TBXAS1: variants seen among roughly 807,000 people sequenced by gnomAD.
TBXAS1 encodes the protein thromboxane A synthase 1.
In TBXAS1, 48 loss-of-function variants were observed where a neutral mutation model predicts 60.7. The ratio of observed to expected loss-of-function variants is 0.79; its 90% CI spans 0.63 to 1.01. TBXAS1 has a LOEUF of 1.01. Among genes scored for constraint, TBXAS1 ranks in the 50% least tolerant of loss-of-function variants. TBXAS1 has a pLI of 0.00. For missense variants in TBXAS1, 685 were observed against 686.3 expected (o/e 1.00, Z 0.02); for synonymous variants, 287 against 269.7 (o/e 1.06, Z -0.63).
intron 2 of TBXAS1, 80 bp from the exon 3 acceptor site, chr7:139,875,505 C>T: frequency 8.3e-7 from 1 of 1,201,776 alleles, no homozygotes; most frequent in South Asian, 1.2e-5. Flanking sequence ...TCTTGCTGTT[C>T]CAAATTGTTT....
chr7:139,997,913 G>A (rs1346216847), intron 9 of TBXAS1, among the ~76,000 whole-genome samples: 2 of 152,160 alleles, frequency 1.3e-5, no homozygotes, highest in Non-Finnish European at 2.9e-5. Flanking sequence ...TTCACCAAAA[G>A]CCATAAACAA....
intron 1 of TBXAS1, among the ~76,000 whole-genome samples, chr7:139,831,298 A>G (rs1370307428): frequency 1.3e-5 from 2 of 152,140 alleles, no homozygotes; most frequent in Non-Finnish European, 2.9e-5. Flanking sequence ...TTTTGGGTCC[A>G]TCCCTTGATT....
upstream of TBXAS1, among the ~76,000 whole-genome samples, chr7:139,825,012 T>G (rs1250238872): frequency 6.6e-6 from 1 of 151,954 alleles, no homozygotes; most frequent in African/African-American, 2.4e-5. Flanking sequence ...GTATTTTTAG[T>G]AGAGACAGGG....
intron 1 of TBXAS1, among the ~76,000 whole-genome samples, chr7:139,836,879 C>T (rs1049391359): frequency 2.0e-5 from 3 of 152,128 alleles, no homozygotes; most frequent in Non-Finnish European, 4.4e-5. Context: ...AAACAGACAA[C>T]CCAGAGTGGG....
intron 9 of TBXAS1, among the ~76,000 whole-genome samples, chr7:139,994,785 G>T (rs985881575): frequency 3.9e-5 from 6 of 152,190 alleles, no homozygotes; most frequent in African/African-American, 1.4e-4. Flanking sequence ...GTAGCAAAGG[G>T]ATTTAACCCA....
At chr7:139,935,453 G>A (rs1807675682) in intron 4 of TBXAS1, among the ~76,000 whole-genome samples, 1 of 152,188 alleles carries the variant, frequency 6.6e-6, no homozygotes, top group Non-Finnish European at 1.5e-5. Context: ...TGAATCCACA[G>A]ATGCAGAACG....
At chr7:139,899,646 CG>C (rs1804419369) in intron 3 of TBXAS1, among the ~76,000 whole-genome samples, 1 of 152,122 alleles carries the variant, frequency 6.6e-6, no homozygotes, top group African/African-American at 2.4e-5. Context: ...ATTTCTTGCC[CG>C]GAAAGGAGTC....
At chr7:139,894,573 A>G (rs149861237) in intron 3 of TBXAS1, among the ~76,000 whole-genome samples, 1 of 152,296 alleles carries the variant, frequency 6.6e-6, no homozygotes, top group Non-Finnish European at 1.5e-5. Context: ...AGATATAGAG[A>G]CAGTGACCCA....
intron 3 of TBXAS1, among the ~76,000 whole-genome samples, chr7:139,876,498 G>C (rs1802244548): frequency 6.6e-6 from 1 of 152,086 alleles, no homozygotes; most frequent in Non-Finnish European, 1.5e-5. Context: ...CACTTTTGTA[G>C]GTGCATTAAA....
Position 139,962,110 on chromosome 7 carries a change from C to G in TBXAS1, c.1011C>G (p.Ile337Met). Residue 337 changes from isoleucine (I) to methionine (M), a missense_variant, in exon 9 of 13, where the codon ATC becomes ATG. Physicochemically the swap from Ile to Met is conservative, Grantham distance 10. Coordinates refer to ENST00000448866, the MANE Select transcript of TBXAS1 (RefSeq NM_001061.7). ...TVDEIVGQAFIFLIAGYEIIT... is the reference protein window; with the variant it reads ...TVDEIVGQAFMFLIAGYEIIT... The stretch of plus-strand genomic sequence containing the variant: ...ATGAGATTGTGGGCCAGGCCTTCAT[C>G]TTCCTCATCGCTGGCTATGAAATCA... 6.2e-7 allele frequency: 1 copy of G among 1,614,234 alleles called. No homozygotes were observed. Among genetic ancestry groups the G allele is most frequent in the Non-Finnish European group, 8.5e-7 (1 of 1,180,032 alleles).
chr7:139,936,282 CT>C lies in TBXAS1; in HGVS notation c.428del (p.Phe143SerfsTer6). ...WEEVRGALMS[A>X]FSPEKLNEMV... ...GAGGTCAGAGGTGCCCTGATGTCTG[CT>C]TTCAGTCCTGAAAAGCTGAACGAGG... On this transcript the variant is annotated frameshift_variant, in exon 5 of 13. Coordinates refer to ENST00000448866, the MANE Select transcript of TBXAS1 (RefSeq NM_001061.7). LOFTEE classifies it high-confidence loss of function. 6.2e-7 allele frequency: 1 copy of C among 1,614,218 alleles called. No individual in the cohort carries two copies. Among genetic ancestry groups the C allele is most frequent in the Non-Finnish European group, 8.5e-7 (1 of 1,180,026 alleles).
intron 4 of TBXAS1, among the ~76,000 whole-genome samples, chr7:139,820,589 TA>T (rs756076948): frequency 1.3e-5 from 2 of 152,150 alleles, no homozygotes; most frequent in Non-Finnish European, 2.9e-5. Context: ...ACAGTTACCC[TA>T]AATAGCATCA....
Position 139,951,907 on chromosome 7 carries a change from G to GAAAGAAAGAAAGAAAGAA in TBXAS1, c.451-1460_451-1459insAAGAAAGAAAGAAAGAAA, listed in dbSNP as rs1334417048. Among the ~76,000 whole-genome samples, 289 of 40,164 alleles carry GAAAGAAAGAAAGAAAGAA rather than the reference G, an allele frequency of 7.2e-3. 20 individuals carry two copies. Among genetic ancestry groups the GAAAGAAAGAAAGAAAGAA allele is most frequent in the Middle Eastern group, 0.028 (2 of 72 alleles). 26.3% of individuals were successfully genotyped at this position (40,164 alleles called of 152,430 possible). ...AGAAGGAAGGAAGGAAGGAAAGAAA[G>GAAAGAAAGAAAGAAAGAA]AGAAAGAAAGAGAGAAAGAAAGAGA... is the stretch of plus-strand genomic sequence containing the variant. On this transcript the variant is annotated intron_variant, in intron 5 of 12. Coordinates refer to ENST00000448866, the MANE Select transcript of TBXAS1 (RefSeq NM_001061.7).
At chr7:139,826,781 T>G (rs1380021752), upstream of TBXAS1, among the ~76,000 whole-genome samples, 4 of 152,172 alleles carry the variant, frequency 2.6e-5, no homozygotes, top group Non-Finnish European at 5.9e-5. Flanking sequence ...ATGATCATGA[T>G]CAATTGTTAT....
upstream of TBXAS1, among the ~76,000 whole-genome samples, chr7:139,824,829 C>CTTTTCTTTTTTTTTTTTTT (rs1401847052): frequency 7.7e-5 from 3 of 38,860 alleles, 1 homozygote; most frequent in African/African-American, 1.9e-4. Context: ...TTTTCCTTTT[C>CTTTTCTTTTTTTTTTTTTT]TTTTTTTTTT....
rs1374331236 is a variant in TBXAS1 at position 139,778,742 on chromosome 7, G to T, written c.-318+271G>T. Among the ~76,000 whole-genome samples, 1 of 152,122 alleles carries T rather than the reference G, an allele frequency of 6.6e-6. No individual in the cohort carries two copies. The highest frequency in any genetic ancestry group is 1.5e-5 in the Non-Finnish European group (1 of 68,022). ...GGAGCTCACAACTCTCTGGGTCCTC[G>T]CTTTTCTCAGCGCTCTCTCCTATCA... On this transcript the variant is annotated intron_variant, in intron 1 of 16. Transcript: ENST00000336425. The surrounding 1 kb of genome is among the most constrained non-coding windows in gnomAD (Gnocchi z 4.8).
rs1011642220 is a variant in TBXAS1 at position 139,915,046 on chromosome 7, T to C, written c.333+3725T>C. Among the ~76,000 whole-genome samples the C allele has an allele frequency of 5.9e-5, 9 of 152,328 alleles. No individual in the cohort carries two copies. The South Asian group carries it at 1.0e-3, about 18-fold the overall frequency. The stretch of plus-strand genomic sequence containing the variant: ...AACACGTAAAAAGACCCATCATAGA[T>C]AAGATCTCCAGGAAATCCCAGTGTT... On this transcript the variant is annotated intron_variant, in intron 4 of 12. Transcript: ENST00000448866.
intron 4 of TBXAS1, among the ~76,000 whole-genome samples, chr7:139,924,072 T>C (rs1431922637): frequency 1.3e-5 from 2 of 152,260 alleles, no homozygotes; most frequent in Admixed American, 6.5e-5. Context: ...GCTTCCAAAT[T>C]TGGCTCTTGT....
At chr7:139,806,238 C>CTACGT (rs1477865851) in intron 4 of TBXAS1, among the ~76,000 whole-genome samples, 2 of 100,288 alleles carry the variant, frequency 2.0e-5, no homozygotes, top group Non-Finnish European at 4.4e-5. Flanking sequence ...TGTGCCTGGC[C>CTACGT]TATGTTATTT....
Sources: allele counts gnomAD v4.1 joint callset (sites outside exome capture counted in the v4.1 genomes callset), GRCh38; gene constraint gnomAD v4.1.1; non-coding constraint Gnocchi (gnomAD v3.1); transcripts MANE v1.5; gene names NCBI Gene and HGNC (gene_info 2026-07-23, HGNC 2026-07-21).